HECW2: variants seen among roughly 807,000 people sequenced by gnomAD.
HECW2 encodes the protein HECT, C2 and WW domain containing E3 ubiquitin protein ligase 2.
Under a neutral mutation model 175.2 loss-of-function variants are expected in HECW2, and 61 were observed. That is an observed-to-expected ratio of 0.35 (90% CI 0.28 to 0.43). HECW2 has a LOEUF of 0.43. Among genes scored for constraint, HECW2 ranks in the 20% least tolerant of loss-of-function variants. The pLI, the probability that HECW2 is intolerant of heterozygous loss-of-function variation, is 1.00. For synonymous variants in HECW2, 671 were observed against 731.0 expected (o/e 0.92, Z 1.32); for missense variants, 1,524 against 2,000.5 (o/e 0.76, Z 4.54).
intron 3 of HECW2, among the ~76,000 whole-genome samples, chr2:196,338,307 A>G (rs1416053728): frequency 6.6e-6 from 1 of 152,232 alleles, no homozygotes; most frequent in African/African-American, 2.4e-5. Context: ...GTATATGAAT[A>G]AAATATTTCC....
chr2:196,244,838 G>C (rs116492017), intron 19 of HECW2, among the ~76,000 whole-genome samples: 1 of 152,212 alleles, frequency 6.6e-6, no homozygotes, highest in South Asian at 2.1e-4. Context: ...AAATGAAATT[G>C]ATCAGAAGGG....
intron 20 of HECW2, 23 bp from the exon 21 acceptor site, chr2:196,240,585 GA>G (rs1429238990): frequency 6.4e-7 from 1 of 1,555,750 alleles, no homozygotes; most frequent in Non-Finnish European, 8.7e-7. Context: ...AGACAATTTA[GA>G]AAATACAAAT....
chr2:196,588,606 C>A (rs1323339726), intron 1 of HECW2, among the ~76,000 whole-genome samples: 1 of 152,194 alleles, frequency 6.6e-6, no homozygotes, highest in Non-Finnish European at 1.5e-5. Context: ...TTCAAACCTA[C>A]AATTCACATA....
chr2:196,542,142 T>C (rs190461339), intron 1 of HECW2, among the ~76,000 whole-genome samples: 317 of 151,772 alleles, frequency 2.1e-3, no homozygotes, highest in African/African-American at 7.2e-3. Context: ...CGCACACCTG[T>C]AGTCCCAGCT....
intron 14 of HECW2, among the ~76,000 whole-genome samples, chr2:196,281,320 C>T (rs1441852080): frequency 2.0e-5 from 3 of 152,090 alleles, no homozygotes; most frequent in East Asian, 1.9e-4. Flanking sequence ...AGACAACTAA[C>T]AATTAACTAA....
In HECW2 at chr2:196,318,648, C is replaced by G. The variant is rs370869751; in HGVS notation, c.2242G>C (p.Ala748Pro). The G allele has an allele frequency of 6.2e-6, 10 of 1,600,812 alleles. No individual in the cohort carries two copies. The African/African-American group carries it at 8.0e-5, about 13-fold the overall frequency. ...QRRGSLEGAA[A>P]AAESPPQEEG... ...TCTTGCGGTGGGCTCTCGGCAGCAG[C>G]TGCAGCTCCCTCCAGGCTCCCCCTC... Residue 748 changes from alanine (A) to proline (P), a missense_variant, in exon 9 of 29, where the codon GCT becomes CCT. Around this residue, in one of 11 missense-constraint regions of HECW2, gnomAD observed 604 missense variants for 588.3 expected, o/e 1.03. Transcript: ENST00000644978.
chr2:196,368,341 T>C (rs1349582407), intron 2 of HECW2, among the ~76,000 whole-genome samples: 2 of 152,224 alleles, frequency 1.3e-5, no homozygotes, highest in African/African-American at 4.8e-5. Context: ...TGCACTTCTC[T>C]GCTGCTAGAT....
intron 3 of HECW2, among the ~76,000 whole-genome samples, chr2:196,340,871 G>A (rs1486164422): frequency 4.0e-5 from 6 of 151,448 alleles, no homozygotes; most frequent in Admixed American, 1.3e-4. Flanking sequence ...ATTATGCTCC[G>A]CAATACTCCC....
intron 28 of HECW2, among the ~76,000 whole-genome samples, chr2:196,206,003 C>A (rs1026329529): frequency 1.4e-4 from 21 of 151,850 alleles, no homozygotes; most frequent in African/African-American, 2.9e-4. Context: ...AGGAAAAAAA[C>A]AAAAAAAATG....
chr2:196,299,743 C>T (rs1690962978), intron 13 of HECW2, among the ~76,000 whole-genome samples: 1 of 152,148 alleles, frequency 6.6e-6, no homozygotes. Flanking sequence ...TCCTGGCTAA[C>T]ATGGTGAAAC....
chr2:196,505,634 G>A (rs1559147937), intron 1 of HECW2, among the ~76,000 whole-genome samples: 1 of 152,050 alleles, frequency 6.6e-6, no homozygotes. Flanking sequence ...ACAAATCACA[G>A]GCTGGTCTGA....
intron 2 of HECW2, among the ~76,000 whole-genome samples, chr2:196,380,680 A>C (rs373958582): frequency 6.6e-6 from 1 of 152,094 alleles, no homozygotes; most frequent in Non-Finnish European, 1.5e-5. Flanking sequence ...TCTAACAGGG[A>C]TGAGGTTTTT....
rs933888083 is a variant in HECW2, at chr2:196,512,798, C to G, written c.-35-79340G>C. On this transcript the variant is annotated intron_variant, in intron 1 of 28. Coordinates refer to ENST00000644978, the MANE Select transcript of HECW2 (RefSeq NM_001348768.2). Reference sequence around the variant, plus strand: ...TCCACCTCCCTGGTTCAAGCAATTCCCCTGCCTCAGTCTCCCAAGTACCTG... The same window carrying G: ...TCCACCTCCCTGGTTCAAGCAATTCGCCTGCCTCAGTCTCCCAAGTACCTG... 2.6e-5 allele frequency among the ~76,000 whole-genome samples: 4 copies of G among 152,060 alleles called. No individual in the cohort carries two copies. The East Asian group carries it at 7.7e-4, about 29-fold the overall frequency.
intron 2 of HECW2, among the ~76,000 whole-genome samples, chr2:196,350,750 G>GGGGGGATATTTTCT (rs1693141902): frequency 6.6e-6 from 1 of 152,152 alleles, no homozygotes; most frequent in African/African-American, 2.4e-5. Flanking sequence ...GACGGGATAA[G>GGGGGGATATTTTCT]GCACATAGAT....
intron 2 of HECW2, among the ~76,000 whole-genome samples, chr2:196,357,103 C>T (rs1176860737): frequency 6.6e-6 from 1 of 152,204 alleles, no homozygotes; most frequent in African/African-American, 2.4e-5. Flanking sequence ...ATAACTCTGG[C>T]TGCTGTGTGC....
At chr2:196,443,532 T>C (rs957550679) in intron 1 of HECW2, among the ~76,000 whole-genome samples, 1 of 152,226 alleles carries the variant, frequency 6.6e-6, no homozygotes, top group Non-Finnish European at 1.5e-5. Context: ...AACTTCATTT[T>C]AAGAATCATT....
chr2:196,530,886 C>T (rs943994593), intron 1 of HECW2, among the ~76,000 whole-genome samples: 11 of 152,072 alleles, frequency 7.2e-5, no homozygotes, highest in Admixed American at 7.2e-4. Context: ...AATACTACAC[C>T]CAGTGTTTCT....
chr2:196,386,751 T>C (rs1282032983), intron 2 of HECW2, among the ~76,000 whole-genome samples: 2 of 151,208 alleles, frequency 1.3e-5, no homozygotes, highest in African/African-American at 2.4e-5. Flanking sequence ...CATAGTATCA[T>C]TAAATGTACA....
chr2:196,367,854 TTG>T (rs59971469), intron 2 of HECW2, among the ~76,000 whole-genome samples: 3,471 of 129,934 alleles, frequency 0.027, 141 homozygotes, highest in African/African-American at 0.1. Context: ...TAGTACTCCA[TTG>T]TGTGTGTGTG....
Sources: gnomAD v4.1 joint callset for allele counts (sites outside exome capture counted in the v4.1 genomes callset) on GRCh38, gnomAD v4.1.1 for gene constraint, gnomAD v4.1.1 regional missense constraint, MANE v1.5 for transcripts, NCBI Gene and HGNC (gene_info 2026-07-23, HGNC 2026-07-21) for gene names.